The following CFLAR variants were observed in gnomAD, a reference collection of about 807,000 sequenced individuals.
CFLAR encodes the protein CASP8 and FADD like apoptosis regulator, also known as CASP8 and FADD-like apoptosis regulator.
CFLAR carries 14 observed loss-of-function variants against 51.1 expected under a neutral mutation model. The observed-to-expected ratio is 0.27, with a 90% CI of 0.18 to 0.43. The LOEUF (loss-of-function observed/expected upper bound fraction) is 0.43, where lower values mean the gene tolerates loss of function less well. CFLAR is among the 20% of genes least tolerant of loss of function. The pLI, the probability that CFLAR is intolerant of heterozygous loss-of-function variation, is 1.00. For synonymous variants in CFLAR, 210 were observed against 211.6 expected (o/e 0.99, Z 0.06); for missense variants, 390 against 566.5 (o/e 0.69, Z 3.16).
At chr2:201,119,840 T>G (rs973169253) in intron 1 of CFLAR, among the ~76,000 whole-genome samples, 2 of 117,008 alleles carry the variant, frequency 1.7e-5, no homozygotes, top group South Asian at 2.7e-4. Flanking sequence ...CAGTTTAATG[T>G]TTTTTTTTTT....
chr2:201,121,489 A>G (rs2048180534), intron 1 of CFLAR, among the ~76,000 whole-genome samples: 1 of 152,216 alleles, frequency 6.6e-6, no homozygotes, highest in Admixed American at 6.5e-5. Flanking sequence ...GGTACCAGGG[A>G]TGGTGATGAG....
intron 3 of CFLAR, among the ~76,000 whole-genome samples, chr2:201,134,900 C>CAA (rs1229896063): frequency 6.6e-6 from 1 of 152,060 alleles, no homozygotes; most frequent in Non-Finnish European, 1.5e-5. Context: ...TAAGTCCCAT[C>CAA]AAATGCAAAA....
chr2:201,134,129 T>G (rs989919748), intron 3 of CFLAR, among the ~76,000 whole-genome samples: 1 of 147,248 alleles, frequency 6.8e-6, no homozygotes, highest in Non-Finnish European at 1.5e-5. Context: ...GCCAACCTGG[T>G]GAAACTCCGT....
chr2:201,122,574 A>G (rs2048295695), intron 1 of CFLAR: 1 of 152,270 alleles, frequency 6.6e-6, no homozygotes, highest in African/African-American at 2.4e-5. Flanking sequence ...AAGCCTATCT[A>G]TCCCCAAGGA....
intron 1 of CFLAR, among the ~76,000 whole-genome samples, chr2:201,120,023 C>CTTTTTTTT (rs34076189): frequency 9.8e-5 from 11 of 112,350 alleles, no homozygotes; most frequent in Admixed American, 1.9e-4. Context: ...CTTTTCTTTT[C>CTTTTTTTT]TTTTTTTTTT....
chr2:201,149,708 CAG>C (rs1305004027), intron 7 of CFLAR, 44 bp from the exon 8 acceptor site: 7 of 1,461,374 alleles, frequency 4.8e-6, no homozygotes, highest in Non-Finnish European at 6.7e-6. Flanking sequence ...CTTATAGAAA[CAG>C]AGCAATATCC....
intron 4 of CFLAR, chr2:201,139,667 C>A (rs190019278): frequency 6.5e-6 from 1 of 152,860 alleles, no homozygotes; most frequent in South Asian, 2.0e-4. Flanking sequence ...TGAAGCACAG[C>A]ACTTAATTCT....
intron 1 of CFLAR, among the ~76,000 whole-genome samples, chr2:201,119,826 G>C (rs1327055395): frequency 6.8e-6 from 1 of 147,596 alleles, no homozygotes; most frequent in Non-Finnish European, 1.5e-5. Flanking sequence ...ATAACCAAAG[G>C]TTTCAGTTTA....
chr2:201,120,753 G>T (rs575545436), intron 1 of CFLAR, among the ~76,000 whole-genome samples: 6 of 152,148 alleles, frequency 3.9e-5, no homozygotes, highest in East Asian at 1.9e-4. Context: ...TTTTTTCCTT[G>T]AACTTCCTTT....
rs529443066 is a variant in CFLAR, at chr2:201,162,195, C to T, written c.1304+1253C>T. On this transcript the variant is annotated intron_variant, in intron 9 of 9. Transcript: ENST00000309955. Reference sequence around the variant, plus strand: ...TCGGCTTACTGCAACATCCACCTCCCGGGTTCAGGCAATTCTCCTGCCTCA... The same window carrying T: ...TCGGCTTACTGCAACATCCACCTCCTGGGTTCAGGCAATTCTCCTGCCTCA... 5.9e-5 allele frequency among the ~76,000 whole-genome samples: 9 copies of T among 151,964 alleles called. No homozygotes were observed. The South Asian group carries it at 1.7e-3, about 28-fold the overall frequency.
intron 3 of CFLAR, among the ~76,000 whole-genome samples, chr2:201,133,579 G>C (rs1029482440): frequency 6.6e-6 from 1 of 152,020 alleles, no homozygotes; most frequent in Non-Finnish European, 1.5e-5. Context: ...GGAGTGGGGT[G>C]GGGGGAGGTT....
intron 8 of CFLAR, among the ~76,000 whole-genome samples, chr2:201,158,663 C>T (rs999613555): frequency 1.3e-5 from 2 of 152,086 alleles, no homozygotes; most frequent in East Asian, 1.9e-4. Flanking sequence ...CAAGCCTGCA[C>T]CCTCAGAGGA....
In CFLAR at chr2:201,134,330, T is replaced by G. The variant is rs2049801198; in HGVS notation, c.387+1196T>G. On this transcript the variant is annotated intron_variant, in intron 3 of 9. Transcript: ENST00000309955. ...CTCAAAAAAAAAAATTTTTTTTAAC[T>G]CCAGTTGGCCTAGCACAATGGCTCA... Among the ~76,000 whole-genome samples, 3 of 146,272 alleles carry G rather than the reference T, an allele frequency of 2.1e-5. No individual in the cohort carries two copies. The South Asian group carries it at 6.5e-4, about 32-fold the overall frequency.
At position 201,140,411 on chromosome 2, in the gene CFLAR, G is replaced by A. The variant is rs1186685654; in HGVS notation, c.578G>A (p.Ser193Asn). ...GTTCTCCAAGCAGCAATCCAAAAGA[G>A]TCTCAAGGATCCTTCAAATAACTTC... The part of the protein sequence containing the change: ...RNVLQAAIQK[S>N]LKDPSNNFRL... The change falls in exon 5 of 10, where the codon AGT (serine) becomes AAT (asparagine). Residue 193 changes from serine (S) to asparagine (N), a missense_variant. Ser to Asn is a conservative substitution (Grantham distance 46). Transcript: ENST00000309955. 13 of 1,610,096 alleles carry A rather than the reference G, an allele frequency of 8.1e-6. No homozygotes were observed. Among genetic ancestry groups the A allele is most frequent in the African/African-American group, 1.3e-5 (1 of 74,776 alleles).
chr2:201,133,765 C>A (rs575236219), intron 3 of CFLAR, among the ~76,000 whole-genome samples: 1 of 151,538 alleles, frequency 6.6e-6, no homozygotes, highest in Non-Finnish European at 1.5e-5. Context: ...CCTATCTCTA[C>A]TAAAAATACA....
chr2:201,152,214 C>T (rs1262914379), intron 8 of CFLAR, among the ~76,000 whole-genome samples: 1 of 152,056 alleles, frequency 6.6e-6, no homozygotes, highest in East Asian at 1.9e-4. Context: ...AGGCTGGTCT[C>T]GAACTTGCTG....
At position 201,160,501 on chromosome 2, in the gene CFLAR, G is replaced by A. The variant is rs770351628; in HGVS notation, c.863G>A (p.Gly288Asp). 1.2e-6 allele frequency: 2 copies of A among 1,613,796 alleles called. No homozygotes were observed. Among genetic ancestry groups the A allele is most frequent in the South Asian group, 1.1e-5 (1 of 91,060 alleles). Residue 288 changes from glycine (G) to aspartate (D), a missense_variant, in exon 9 of 10, where the codon GGT becomes GAT. By Grantham distance (94) the Gly-to-Asp change is moderately conservative. Transcript: ENST00000309955. ...VQKFLHLSMHGISQILGQFAC... is the reference protein window; with the variant it reads ...VQKFLHLSMHDISQILGQFAC... ...AAATTCTTGCATCTCAGTATGCATGGTATATCCCAGATTCTTGGCCAATTT... is the reference window on the plus strand; with the variant it reads ...AAATTCTTGCATCTCAGTATGCATGATATATCCCAGATTCTTGGCCAATTT...
At position 201,139,572 on chromosome 2, in the gene CFLAR, G is replaced by T. The variant is rs558775477; in HGVS notation, c.524-785G>T. The stretch of plus-strand genomic sequence containing the variant: ...GTATGTTCCATCTGCTGAGATAGGG[G>T]AAAACCGCCTTAGGGCTGGAGGTGG... On this transcript the variant is annotated intron_variant, in intron 4 of 9. Transcript: ENST00000309955. 9.3e-3 allele frequency: 1,433 copies of T among 153,988 alleles called. 11 individuals are homozygous for T. The highest frequency in any genetic ancestry group is 0.016 in the Non-Finnish European group (1,083 of 69,254). 9.5% of individuals were successfully genotyped at this position (153,988 alleles called of 1,614,324 possible). A position where few individuals can be genotyped will look rare whatever the true frequency, so the allele number is the denominator to read the frequency against.
chr2:201,160,432 A>C lies in CFLAR; in HGVS notation c.794A>C (p.Glu265Ala). The C allele has an allele frequency of 2.5e-6, 4 of 1,610,204 alleles. No individual in the cohort carries two copies. Among genetic ancestry groups the C allele is most frequent in the Non-Finnish European group, 3.4e-6 (4 of 1,178,428 alleles). ...CGTGTTTGTTTTTTGTTTTCCCCAG[A>C]GCTTCTTCGAGACACCTTCACTTCC... ...LIIDCIGNET[E>A]LLRDTFTSLG... Residue 265 changes from glutamate (E) to alanine (A), a missense_variant and splice_region_variant, in exon 9 of 10, where the codon GAG becomes GCG. Physicochemically the swap from Glu to Ala is moderately radical, Grantham distance 107 (BLOSUM62 -1). Around this residue, in one of 2 missense-constraint regions of CFLAR, gnomAD observed 287 missense variants for 363.6 expected, o/e 0.79. Transcript: ENST00000309955.
Sources: gnomAD v4.1 joint callset for allele counts (sites outside exome capture counted in the v4.1 genomes callset) on GRCh38, gnomAD v4.1.1 for gene constraint, gnomAD v4.1.1 regional missense constraint, MANE v1.5 for transcripts, NCBI Gene and HGNC (gene_info 2026-07-23, HGNC 2026-07-21) for gene names.